ACSM1: variants seen among roughly 807,000 people sequenced by gnomAD.
ACSM1 encodes the protein acyl-coenzyme A synthetase ACSM1, mitochondrial.
ACSM1 carries 79 observed loss-of-function variants against 75.8 expected under a neutral mutation model. That is an observed-to-expected ratio of 1.04 (90% confidence interval 0.87 to 1.26). ACSM1 has a LOEUF of 1.26. Ranked by LOEUF, ACSM1 falls within the 50% of genes most tolerant of loss-of-function variation. The pLI, the probability that ACSM1 is intolerant of heterozygous loss-of-function variation, is 0.00. For synonymous variants in ACSM1, 279 were observed against 265.8 expected (o/e 1.05, Z -0.48); for missense variants, 676 against 720.1 (o/e 0.94, Z 0.70).
Position 20,685,186 on chromosome 16 carries a change from C to T in ACSM1, c.403+7G>A. The T allele has an allele frequency of 6.2e-7, 1 of 1,614,166 alleles. No homozygotes were observed. The highest frequency in any genetic ancestry group is 8.5e-7 in the Non-Finnish European group (1 of 1,180,000). Reference sequence around the variant, plus strand: ...GAGGTCCACCAGGTCCCTCTTGCATCACTGACCTGTTCGCATGCAGCCCAC... The same window carrying T: ...GAGGTCCACCAGGTCCCTCTTGCATTACTGACCTGTTCGCATGCAGCCCAC... On this transcript the variant is annotated splice_region_variant and intron_variant, in intron 3 of 13. Transcript: ENST00000520010.
Position 20,691,155 on chromosome 16 carries a change from C to T in ACSM1, c.34G>A (p.Gly12Ser). 1 of 1,610,228 alleles carries T rather than the reference C, an allele frequency of 6.2e-7. No individual in the cohort carries two copies. The highest frequency in any genetic ancestry group is 8.5e-7 in the Non-Finnish European group (1 of 1,178,492). ...QWLMRFRTLW[G>S]IHKSFHNIHP... ...ATGTTGTGGAAGGATTTGTGGATGC[C>T]CCAGAGGGTCCGGAACCTCATTAGC... Residue 12 changes from glycine (G) to serine (S), a missense_variant, in exon 2 of 14, where the codon GGC (glycine) becomes AGC (serine). Physicochemically the swap from Gly to Ser is moderately conservative, Grantham distance 56 (BLOSUM62 0). Coordinates refer to ENST00000520010, the MANE Select transcript of ACSM1 (RefSeq NM_001318890.3).
At chr16:20,659,197 C>A (rs1003113197) in intron 7 of ACSM1, among the ~76,000 whole-genome samples, 1 of 152,118 alleles carries the variant, frequency 6.6e-6, no homozygotes, top group African/African-American at 2.4e-5. Context: ...GTCTTCCCCC[C>A]ATTATCCAAA....
intron 9 of ACSM1, 86 bp downstream of exon 9, chr16:20,637,285 G>T (rs1667609535): frequency 9.8e-7 from 1 of 1,021,562 alleles, no homozygotes; most frequent in Non-Finnish European, 1.6e-6. Context: ...GAGCAGGGAA[G>T]TGCGGCTGGT....
At chr16:20,634,708 T>C (rs1191171686) in intron 10 of ACSM1, among the ~76,000 whole-genome samples, 4 of 152,150 alleles carry the variant, frequency 2.6e-5, no homozygotes, top group African/African-American at 9.7e-5. Context: ...GGCAGTGAGA[T>C]GTTGCTTATT....
At chr16:20,628,550 GT>G (rs1011530562) in intron 10 of ACSM1, among the ~76,000 whole-genome samples, 59 of 146,150 alleles carry the variant, frequency 4.0e-4, no homozygotes, top group African/African-American at 8.5e-4. Context: ...GTTTGGGACT[GT>G]TTTTTTTTTT....
chr16:20,653,973 G>T (rs982339362), intron 7 of ACSM1, among the ~76,000 whole-genome samples: 1 of 152,106 alleles, frequency 6.6e-6, no homozygotes, highest in Admixed American at 6.6e-5. Flanking sequence ...AACAACAAAG[G>T]TGGAGGCATC....
chr16:20,651,489 C>A (rs962413091), intron 7 of ACSM1, among the ~76,000 whole-genome samples: 2 of 152,058 alleles, frequency 1.3e-5, no homozygotes, highest in African/African-American at 4.8e-5. Flanking sequence ...ATTAGCTGGG[C>A]ATGGTGGCAC....
intron 4 of ACSM1, among the ~76,000 whole-genome samples, chr16:20,672,471 A>AAAATATATATATAT (rs1555473775): frequency 3.6e-4 from 23 of 64,552 alleles, no homozygotes; most frequent in Non-Finnish European, 5.5e-4. Context: ...AAAAAAAAAA[A>AAAATATATATATAT]ATATATATAT....
At position 20,625,502 on chromosome 16, in the gene ACSM1, T is replaced by C; in HGVS notation, c.1448A>G (p.Glu483Gly). ...GTGCTCCACCAAAGCGCTTTCAACC[T>C]CTGCAGGCCCGATGCGATACCTGGA... ...NASGYRIGPA[E>G]VESALVEHPA... Residue 483 changes from glutamate to glycine, a missense_variant, in exon 12 of 14, where the codon GAG becomes GGG. Physicochemically the swap from Glu to Gly is moderately conservative, Grantham distance 98. Coordinates refer to ENST00000520010, the MANE Select transcript of ACSM1 (RefSeq NM_001318890.3). 6.2e-7 allele frequency: 1 copy of C among 1,614,068 alleles called. No homozygotes were observed. Among genetic ancestry groups the C allele is most frequent in the Non-Finnish European group, 8.5e-7 (1 of 1,180,008 alleles).
At chr16:20,685,787 T>A (rs1596954791) in intron 2 of ACSM1, among the ~76,000 whole-genome samples, 1 of 129,960 alleles carries the variant, frequency 7.7e-6, no homozygotes, top group Non-Finnish European at 1.6e-5. Flanking sequence ...ACCATTGCAC[T>A]CCAGCCTGGA....
rs71842093 is a variant in ACSM1 at position 20,685,819 on chromosome 16, C to CAAAAAAAAA, written c.193-425_193-417dup. 9.2e-4 allele frequency among the ~76,000 whole-genome samples: 46 copies of CAAAAAAAAA among 50,076 alleles called. 5 individuals are homozygous for CAAAAAAAAA. The highest frequency in any genetic ancestry group is 1.6e-3 in the Admixed American group (6 of 3,792). 32.9% of individuals were successfully genotyped at this position (50,076 alleles called of 152,430 possible). On this transcript the variant is annotated intron_variant, in intron 2 of 13. Coordinates refer to ENST00000520010, the MANE Select transcript of ACSM1 (RefSeq NM_001318890.3). ...TGGATGACACAGTGAGACTCCGTCT[C>CAAAAAAAAA]AAAAAAAAAAAACAAACAAAAAAAA...
At chr16:20,633,640 C>T (rs1008490392) in intron 10 of ACSM1, among the ~76,000 whole-genome samples, 6 of 135,260 alleles carry the variant, frequency 4.4e-5, no homozygotes, top group African/African-American at 2.0e-4. Flanking sequence ...GTCAAAATCC[C>T]AATGGTTTTT....
In ACSM1 at chr16:20,656,517, A is replaced by G. The variant is rs186614590; in HGVS notation, c.992+5277T>C. Among the ~76,000 whole-genome samples the G allele has an allele frequency of 2.8e-3, 432 of 152,338 alleles. 1 individual carries two copies. Among genetic ancestry groups the G allele is most frequent in the Non-Finnish European group, 5.2e-3 (351 of 68,040 alleles). ...ATAATAGAAGCACAAAATATGCAGC[A>G]TTTGTTAACATTTTATAAACACAAA... On this transcript the variant is annotated intron_variant, in intron 7 of 13. Coordinates refer to ENST00000520010, the MANE Select transcript of ACSM1 (RefSeq NM_001318890.3).
intron 4 of ACSM1, chr16:20,681,241 A>G (rs1376265288): frequency 1.3e-5 from 2 of 152,244 alleles, no homozygotes; most frequent in Non-Finnish European, 1.5e-5. Context: ...CACAAATGAG[A>G]AATGCTATAT....
chr16:20,635,342 C>T (rs1037112865), intron 10 of ACSM1, among the ~76,000 whole-genome samples: 14 of 152,212 alleles, frequency 9.2e-5, no homozygotes, highest in African/African-American at 2.9e-4. Context: ...ATACAGTGAA[C>T]TTTAATCACG....
chr16:20,687,416 T>C (rs929682555), intron 2 of ACSM1, among the ~76,000 whole-genome samples: 2 of 152,058 alleles, frequency 1.3e-5, no homozygotes, highest in African/African-American at 4.8e-5. Flanking sequence ...CAAGGAAAGA[T>C]AAATGCTAGA....
At chr16:20,660,131 T>G (rs2019219054) in intron 7 of ACSM1, among the ~76,000 whole-genome samples, 1 of 152,220 alleles carries the variant, frequency 6.6e-6, no homozygotes, top group Non-Finnish European at 1.5e-5. Context: ...AAAAATATTT[T>G]CCAGAGTTTC....
intron 4 of ACSM1, among the ~76,000 whole-genome samples, chr16:20,672,471 A>AAAAAATATATATAT (rs1555473775): frequency 2.0e-3 from 130 of 64,462 alleles, no homozygotes; most frequent in Non-Finnish European, 2.8e-3. Context: ...AAAAAAAAAA[A>AAAAAATATATATAT]ATATATATAT....
At chr16:20,680,882 C>T (rs1308812790) in intron 4 of ACSM1, 1 of 152,186 alleles carries the variant, frequency 6.6e-6, no homozygotes, top group Non-Finnish European at 1.5e-5. Context: ...TGGACAGGAG[C>T]ATGTGTGTAG....
Sources: allele counts gnomAD v4.1 joint callset (sites outside exome capture counted in the v4.1 genomes callset), GRCh38; gene constraint gnomAD v4.1.1; transcripts MANE v1.5; gene names NCBI Gene and HGNC (gene_info 2026-07-23, HGNC 2026-07-21).